CEP95: variants seen among roughly 807,000 people sequenced by gnomAD.
CEP95 encodes the protein centrosomal protein 95.
CEP95 carries 98 observed loss-of-function variants against 111.2 expected under a neutral mutation model. The ratio of observed to expected loss-of-function variants is 0.88; its 90% CI spans 0.75 to 1.04. The LOEUF (loss-of-function observed/expected upper bound fraction) is 1.04, where lower values mean the gene tolerates loss of function less well. Ranked by LOEUF, CEP95 falls within the 50% of genes least tolerant of loss-of-function variation. The pLI, the probability that CEP95 is intolerant of heterozygous loss-of-function variation, is 0.00. For synonymous variants in CEP95, 323 were observed against 327.1 expected (o/e 0.99, Z 0.14); for missense variants, 1,027 against 977.2 (o/e 1.05, Z -0.68).
intron 14 of CEP95, chr17:64,532,474 C>T: frequency 2.0e-6 from 2 of 985,374 alleles, no homozygotes; most frequent in Non-Finnish European, 2.4e-6. Flanking sequence ...GACTGCTGGC[C>T]CTCCTACTCT....
intron 12 of CEP95, among the ~76,000 whole-genome samples, chr17:64,530,502 T>C (rs1968188058): frequency 9.0e-6 from 1 of 110,904 alleles, no homozygotes; most frequent in African/African-American, 3.5e-5. Flanking sequence ...TTTTCCTCTT[T>C]TGTATTTTTT....
At chr17:64,527,893 C>CACACACACACATATATATAT (rs1967979993) in intron 11 of CEP95, among the ~76,000 whole-genome samples, 1 of 118,134 alleles carries the variant, frequency 8.5e-6, no homozygotes, top group African/African-American at 3.7e-5. Flanking sequence ...TATATATATA[C>CACACACACACATATATATAT]ACACACACAC....
Position 64,516,826 on chromosome 17 carries a change from G to A in CEP95, c.471G>A (p.Gly157=). Residue 157 remains glycine (G), a splice_region_variant and synonymous_variant, in exon 5 of 20, where the codon GGG becomes GGA. Coordinates refer to ENST00000556440, the MANE Select transcript of CEP95 (RefSeq NM_138363.3). ...SKSSWKRVSF[G]RCSLSSEMLG... is the part of the protein sequence containing the mutation. ...CATCATGGAAAAGAGTTTCTTTTGG[G>A]AGGTAGCACTTAGTGTCTCTGAATT... The A allele has an allele frequency of 1.3e-6, 2 of 1,570,092 alleles. No homozygotes were observed. Among genetic ancestry groups the A allele is most frequent in the Non-Finnish European group, 1.8e-6 (2 of 1,141,532 alleles).
At position 64,537,857 on chromosome 17, in the gene CEP95, C is replaced by A. The variant is rs1390097976; in HGVS notation, c.*78C>A. On this transcript the variant is annotated 3_prime_UTR_variant, in exon 20 of 20. Transcript: ENST00000556440. ...AGCTAGAATCGAGCCAGTAAACAGT[C>A]TAAGCCAGAAAAATAATTTTCAAAT... 3 of 745,604 alleles carry A rather than the reference C, an allele frequency of 4.0e-6. No individual in the cohort carries two copies. The highest frequency in any genetic ancestry group is 3.9e-4 in the Middle Eastern group (1 of 2,562). 46.2% of individuals were successfully genotyped at this position (745,604 alleles called of 1,614,324 possible).
intron 3 of CEP95, among the ~76,000 whole-genome samples, chr17:64,510,780 G>T (rs1351085681): frequency 2.0e-5 from 3 of 152,146 alleles, no homozygotes; most frequent in Admixed American, 1.3e-4. Context: ...GGAACTCCTG[G>T]GCTCAGCTGA....
chr17:64,514,544 A>G (rs1273914430), intron 4 of CEP95, 186 bp downstream of exon 4: 3 of 438,330 alleles, frequency 6.8e-6, no homozygotes, highest in Non-Finnish European at 1.2e-5. Flanking sequence ...GACTGTCATC[A>G]TGTTCTTTAT....
intron 11 of CEP95, 86 bp from the exon 12 acceptor site, chr17:64,529,202 T>G: frequency 8.0e-7 from 1 of 1,252,058 alleles, no homozygotes; most frequent in Admixed American, 2.5e-5. Flanking sequence ...ATCAGTCTCT[T>G]TGGATTTAGT....
chr17:64,506,965 C>G, upstream of CEP95: 2 of 981,558 alleles, frequency 2.0e-6, no homozygotes, highest in East Asian at 2.6e-5. Flanking sequence ...GTCCGTCCTT[C>G]TTTCACGCCT....
chr17:64,511,423 C>A (rs1250088788), intron 3 of CEP95, among the ~76,000 whole-genome samples: 6 of 152,194 alleles, frequency 3.9e-5, no homozygotes, highest in South Asian at 2.1e-4. Context: ...AGGGATGTTC[C>A]TTGCTGAGAA....
rs1348553674 is a variant in CEP95 at position 64,519,365 on chromosome 17, A to G, written c.518A>G (p.Asp173Gly). ...ATGTTGGGCCCCTCTTGGGATGGAGATGAAGCAGAATCCACTGGTGAAATC... is the reference window on the plus strand; with the variant it reads ...ATGTTGGGCCCCTCTTGGGATGGAGGTGAAGCAGAATCCACTGGTGAAATC... ...SEMLGPSWDG[D>G]EAESTGEIIR... The change falls in exon 6 of 20, where the codon GAT (aspartate) becomes GGT (glycine). Residue 173 changes from aspartate (D) to glycine (G), a missense_variant. Asp to Gly is a moderately conservative substitution (Grantham distance 94, BLOSUM62 -1). Coordinates refer to ENST00000556440, the MANE Select transcript of CEP95 (RefSeq NM_138363.3). 1 of 1,613,814 alleles carries G rather than the reference A, an allele frequency of 6.2e-7. No individual in the cohort carries two copies. Among genetic ancestry groups the G allele is most frequent in the East Asian group, 2.2e-5 (1 of 44,882 alleles).
At chr17:64,537,137 T>A in intron 19 of CEP95, 25 bp downstream of exon 19, 1 of 1,605,634 alleles carries the variant, frequency 6.2e-7, no homozygotes, top group Admixed American at 1.7e-5. Context: ...AGAAGCCAAG[T>A]CATGCACTGC....
chr17:64,534,089 T>A, intron 16 of CEP95: 1 of 158,626 alleles, frequency 6.3e-6, no homozygotes, highest in South Asian at 1.9e-4. Context: ...TCTCAGGAAC[T>A]GCAGATGGTA....
At chr17:64,513,958 G>T (rs1229961542) in intron 3 of CEP95, among the ~76,000 whole-genome samples, 2 of 151,960 alleles carry the variant, frequency 1.3e-5, no homozygotes, top group African/African-American at 2.4e-5. Flanking sequence ...CAATTATTTT[G>T]CTTCTCCAAA....
At chr17:64,522,984 G>A (rs1452761977) in intron 8 of CEP95, 89 bp downstream of exon 8, 42 of 874,206 alleles carry the variant, frequency 4.8e-5, no homozygotes, top group Admixed American at 3.0e-4. Flanking sequence ...AAGGCCGTGT[G>A]TGTGTATGTG....
Position 64,537,573 on chromosome 17 carries a change from A to G in CEP95, c.2290-30A>G, listed in dbSNP as rs1968742579. ...ATGAGGGCCTGGATAAATGCTGTGA[A>G]CAGCGGGATGACATGCCTTCTTTTT... is the stretch of plus-strand genomic sequence containing the variant. On this transcript the variant is annotated intron_variant, in intron 19 of 19. Coordinates refer to ENST00000556440, the MANE Select transcript of CEP95 (RefSeq NM_138363.3). 2.6e-6 allele frequency: 4 copies of G among 1,557,256 alleles called. No homozygotes were observed. In the African/African-American group the frequency reaches 4.1e-5, roughly 16 times the overall value.
At chr17:64,527,363 G>T in intron 11 of CEP95, 99 bp downstream of exon 11, 1 of 906,050 alleles carries the variant, frequency 1.1e-6, no homozygotes, top group Non-Finnish European at 1.5e-6. Context: ...TTAAATAGTT[G>T]AGAAATATAT....
At chr17:64,525,960 T>G (rs1555679000) in intron 9 of CEP95, 78 bp downstream of exon 9, 13 of 1,486,082 alleles carry the variant, frequency 8.7e-6, no homozygotes, top group South Asian at 2.6e-5. Flanking sequence ...ATCTCCAAAT[T>G]TAGCTGTGAA....
chr17:64,522,458 A>G (rs781798602), intron 7 of CEP95, among the ~76,000 whole-genome samples: 19 of 151,964 alleles, frequency 1.3e-4, no homozygotes, highest in Non-Finnish European at 2.2e-4. Flanking sequence ...CCTGGGCAAC[A>G]TAGCGAGACC....
chr17:64,534,650 G>GC lies in CEP95; in HGVS notation c.1984dup (p.Gln662ProfsTer10). On this transcript the variant is annotated frameshift_variant, in exon 17 of 20. Coordinates refer to ENST00000556440, the MANE Select transcript of CEP95 (RefSeq NM_138363.3). LOFTEE classifies it high-confidence loss of function. ...AATCAAAGATAAAAGAAAATCGACA[G>GC]CAAATCGTTCGTGCTCGAAAATATT... 1.9e-6 allele frequency: 3 copies of GC among 1,613,824 alleles called. No homozygotes were observed. The highest frequency in any genetic ancestry group is 2.5e-6 in the Non-Finnish European group (3 of 1,179,780).
Sources: gnomAD v4.1 joint callset for allele counts (sites outside exome capture counted in the v4.1 genomes callset) on GRCh38, gnomAD v4.1.1 for gene constraint, MANE v1.5 for transcripts, NCBI Gene and HGNC (gene_info 2026-07-23, HGNC 2026-07-21) for gene names.